Variants in PKIA observed in about 807,000 individuals in gnomAD.
PKIA encodes PKI-alpha.
Under a neutral mutation model 7.6 loss-of-function variants are expected in PKIA, and 4 were observed. That is an observed-to-expected ratio of 0.52 (90% CI 0.26 to 1.20). PKIA has a LOEUF of 1.20. Ranked by LOEUF, PKIA falls within the 50% of genes most tolerant of loss-of-function variation. The pLI, the probability that PKIA is intolerant of heterozygous loss-of-function variation, is 0.13. For synonymous variants in PKIA, 21 were observed against 30.7 expected, an observed-to-expected ratio of 0.68 and a Z score of 1.04; for missense variants, 73 against 86.2, an observed-to-expected ratio of 0.85 and a Z score of 0.61.
intron 1 of PKIA, among the ~76,000 whole-genome samples, chr8:78,518,127 G>T (rs1451679397): frequency 6.6e-6 from 1 of 152,120 alleles, no homozygotes; most frequent in Non-Finnish European, 1.5e-5. Context: ...TTTACAAAAT[G>T]CACTTTAGAA....
At chr8:78,573,182 A>G (rs541270579) in intron 2 of PKIA, among the ~76,000 whole-genome samples, 1 of 152,198 alleles carries the variant, frequency 6.6e-6, no homozygotes, top group East Asian at 1.9e-4. Flanking sequence ...AGCTCCATGC[A>G]TGTGGTTTAA....
intron 2 of PKIA, among the ~76,000 whole-genome samples, chr8:78,580,814 G>T (rs993602588): frequency 7.2e-5 from 11 of 152,076 alleles, no homozygotes; most frequent in Non-Finnish European, 1.6e-4. Flanking sequence ...ATAGGCAAAA[G>T]CTAGAATGAA....
intron 2 of PKIA, among the ~76,000 whole-genome samples, chr8:78,597,021 C>T (rs1422362721): frequency 6.6e-6 from 1 of 152,042 alleles, no homozygotes; most frequent in Middle Eastern, 3.2e-3. Flanking sequence ...GGTTCTTTAA[C>T]CTGATTCATT....
intron 2 of PKIA, among the ~76,000 whole-genome samples, chr8:78,580,702 A>G (rs1161624650): frequency 6.6e-6 from 1 of 152,072 alleles, no homozygotes; most frequent in African/African-American, 2.4e-5. Flanking sequence ...GGTAGCAACA[A>G]TAATTTGTTA....
intron 2 of PKIA, among the ~76,000 whole-genome samples, chr8:78,590,359 T>C (rs1331971396): frequency 6.6e-6 from 1 of 151,770 alleles, no homozygotes; most frequent in Non-Finnish European, 1.5e-5. Context: ...CAATGGGAAC[T>C]TTCTAAAGGC....
intron 1 of PKIA, among the ~76,000 whole-genome samples, chr8:78,530,220 A>G (rs192073670): frequency 2.0e-3 from 308 of 152,190 alleles, no homozygotes; most frequent in Admixed American, 3.8e-3. Flanking sequence ...TTTGCAGACA[A>G]TGAATTCAAA....
intron 1 of PKIA, among the ~76,000 whole-genome samples, chr8:78,547,228 C>T (rs1037035471): frequency 5.3e-5 from 8 of 152,210 alleles, no homozygotes; most frequent in African/African-American, 1.9e-4. Context: ...CCTGCCTCAG[C>T]CTCCCAAGTA....
rs1298653205 is a variant in PKIA, at chr8:78,544,510, C to T, written c.-157+28042C>T. On this transcript the variant is annotated intron_variant, in intron 1 of 3. Coordinates refer to ENST00000396418, the MANE Select transcript of PKIA (RefSeq NM_006823.4). ...AAATTCCCTGTTTGTTGTCTTATTG[C>T]ACTGTTTCCAGTGCCTACACTGCAC... 2.6e-5 allele frequency among the ~76,000 whole-genome samples: 4 copies of T among 152,164 alleles called. No individual in the cohort carries two copies. The South Asian group carries it at 6.2e-4, about 24-fold the overall frequency.
chr8:78,519,503 C>G (rs749937006), intron 1 of PKIA, among the ~76,000 whole-genome samples: 9 of 152,014 alleles, frequency 5.9e-5, no homozygotes, highest in Non-Finnish European at 1.3e-4. Context: ...AAAAGAATAG[C>G]AATAATAAGG....
At chr8:78,568,156 T>C (rs1807461289) in intron 1 of PKIA, among the ~76,000 whole-genome samples, 1 of 152,196 alleles carries the variant, frequency 6.6e-6, no homozygotes, top group Non-Finnish European at 1.5e-5. Flanking sequence ...ACAATGTGTA[T>C]ACACATATCT....
rs1461201364 is a variant in PKIA at position 78,529,534 on chromosome 8, T to C, written c.-157+13066T>C. On this transcript the variant is annotated intron_variant, in intron 1 of 3. Coordinates refer to ENST00000396418, the MANE Select transcript of PKIA (RefSeq NM_006823.4). ...AACATTTTTACTTAAAAATTAAAAATACTAATTTGTGCATGCTTAAATATA... is the reference window on the plus strand; with the variant it reads ...AACATTTTTACTTAAAAATTAAAAACACTAATTTGTGCATGCTTAAATATA... Among the ~76,000 whole-genome samples the C allele has an allele frequency of 2.0e-5, 3 of 152,064 alleles. No homozygotes were observed. In the East Asian group the frequency reaches 5.8e-4, roughly 29 times the overall value.
intron 2 of PKIA, among the ~76,000 whole-genome samples, chr8:78,591,699 T>C (rs952760814): frequency 6.6e-6 from 1 of 152,164 alleles, no homozygotes; most frequent in Non-Finnish European, 1.5e-5. Context: ...ATTAGTATAA[T>C]TGGATCTTTT....
intron 2 of PKIA, among the ~76,000 whole-genome samples, chr8:78,586,170 A>G (rs748300545): frequency 1.4e-4 from 21 of 152,114 alleles, no homozygotes; most frequent in Non-Finnish European, 2.2e-4. Context: ...GAGCAGGGCC[A>G]TTTTTAAGGT....
chr8:78,525,567 A>G (rs1258134233), intron 1 of PKIA, among the ~76,000 whole-genome samples: 1 of 152,042 alleles, frequency 6.6e-6, no homozygotes, highest in African/African-American at 2.4e-5. Flanking sequence ...CAATACTTAA[A>G]TGTTTAAATT....
At chr8:78,549,266 G>C (rs919497995) in intron 1 of PKIA, among the ~76,000 whole-genome samples, 1 of 151,932 alleles carries the variant, frequency 6.6e-6, no homozygotes, top group Non-Finnish European at 1.5e-5. Context: ...TGTGTTGTAT[G>C]ACATGATGTA....
chr8:78,573,277 G>A (rs573805333), intron 2 of PKIA, among the ~76,000 whole-genome samples: 7 of 152,072 alleles, frequency 4.6e-5, no homozygotes, highest in South Asian at 2.1e-4. Flanking sequence ...GGTTGTCTCC[G>A]TGACCCTCTG....
At chr8:78,585,547 A>G (rs192373471) in intron 2 of PKIA, among the ~76,000 whole-genome samples, 35 of 152,274 alleles carry the variant, frequency 2.3e-4, no homozygotes, top group African/African-American at 8.2e-4. Flanking sequence ...ATACTGAACA[A>G]TTACATTTTC....
Position 78,604,144 on chromosome 8 carries a change from A to G in PKIA, c.*2323A>G, listed in dbSNP as rs1216901540. On this transcript the variant is annotated 3_prime_UTR_variant, in exon 4 of 4. Coordinates refer to ENST00000396418, the MANE Select transcript of PKIA (RefSeq NM_006823.4). ...TACATATGGATTTGAATTTTTAAGG[A>G]GAGAAGGAAAGGGTAGGAAACCAGG... The G allele has an allele frequency of 6.6e-6, 1 of 151,898 alleles. No homozygotes were observed. The highest frequency in any genetic ancestry group is 2.4e-5 in the African/African-American group (1 of 41,402). 9.4% of individuals were successfully genotyped at this position (151,898 alleles called of 1,614,324 possible). A position where few individuals can be genotyped will look rare whatever the true frequency, so the allele number is the denominator to read the frequency against.
chr8:78,600,683 T>C (rs1336830924), intron 3 of PKIA, among the ~76,000 whole-genome samples: 1 of 152,136 alleles, frequency 6.6e-6, no homozygotes, highest in East Asian at 1.9e-4. Context: ...ATGAAAATTA[T>C]ATATAATGTC....
Sources: allele counts gnomAD v4.1 joint callset (sites outside exome capture counted in the v4.1 genomes callset), GRCh38; gene constraint gnomAD v4.1.1; transcripts MANE v1.5; gene names NCBI Gene and HGNC (gene_info 2026-07-23, HGNC 2026-07-21).